The following ZDHHC11B variants were observed in gnomAD, a reference collection of about 807,000 sequenced individuals.
ZDHHC11B encodes the protein zDHHC palmitoyltransferase 11B (putative).
Under a neutral mutation model 42.3 loss-of-function variants are expected in ZDHHC11B, and 17 were observed. The observed-to-expected ratio is 0.40, with a 90% CI of 0.27 to 0.60. ZDHHC11B has a LOEUF of 0.60. Among genes scored for constraint, ZDHHC11B ranks in the 20% least tolerant of loss-of-function variants. The probability of loss-of-function intolerance (pLI) is 0.41; values close to 1 mark genes in which losing one functional copy is unlikely to be tolerated. For synonymous variants in ZDHHC11B, 123 were observed against 193.5 expected (o/e 0.64, Z 3.02); for missense variants, 262 against 463.2 (o/e 0.57, Z 3.99).
intron 1 of ZDHHC11B, among the ~76,000 whole-genome samples, chr5:775,660 G>A (rs1370259946): frequency 6.6e-6 from 1 of 151,802 alleles, no homozygotes; most frequent in Non-Finnish European, 1.5e-5. Flanking sequence ...TGATTTGGAG[G>A]CCTGGGGCCT....
rs535964633 is a variant in ZDHHC11B, at chr5:758,825, C to T, written c.223-2681G>A. 4.6e-5 allele frequency among the ~76,000 whole-genome samples: 7 copies of T among 151,924 alleles called. 1 individual carries two copies. The highest frequency in any genetic ancestry group is 3.2e-3 in the Middle Eastern group (1 of 316). ...TGGCCGCACTTTGGCCAGCGAGGTC[C>T]GCGCTCTGCGGGTGGGCTTGGGTCG... is the stretch of plus-strand genomic sequence containing the variant. On this transcript the variant is annotated intron_variant, in intron 4 of 13. Coordinates refer to ENST00000508859, the MANE Select transcript of ZDHHC11B (RefSeq NM_001351303.2).
intron 11 of ZDHHC11B, among the ~76,000 whole-genome samples, chr5:732,965 G>C (rs1036054411): frequency 6.6e-6 from 1 of 151,724 alleles, no homozygotes; most frequent in African/African-American, 2.4e-5. Context: ...GCTGAGGTGG[G>C]ACAATTGCTT....
chr5:736,567 G>A (rs562021423), intron 10 of ZDHHC11B, among the ~76,000 whole-genome samples: 22 of 147,580 alleles, frequency 1.5e-4, no homozygotes, highest in African/African-American at 5.0e-4. Context: ...TCATATAATA[G>A]GCCACAAAAC....
chr5:746,481 C>T (rs1471244466), intron 8 of ZDHHC11B, among the ~76,000 whole-genome samples: 4 of 131,244 alleles, frequency 3.0e-5, no homozygotes, highest in Admixed American at 8.7e-5. Flanking sequence ...CCACAGCAGC[C>T]GCCTGCCTGT....
At chr5:722,812 C>T (rs1742289807) in intron 12 of ZDHHC11B, among the ~76,000 whole-genome samples, 2 of 151,462 alleles carry the variant, frequency 1.3e-5, no homozygotes, top group South Asian at 2.1e-4. Flanking sequence ...CAGAAGCAAA[C>T]GCCAACAGAC....
chr5:719,627 G>GAA (rs879741889), intron 12 of ZDHHC11B, among the ~76,000 whole-genome samples: 3 of 133,782 alleles, frequency 2.2e-5, no homozygotes, highest in African/African-American at 5.4e-5. Context: ...CTGAGGACCA[G>GAA]AAAAAAAAAA....
intron 4 of ZDHHC11B, among the ~76,000 whole-genome samples, chr5:765,603 T>C (rs1183249150): frequency 6.6e-6 from 1 of 151,908 alleles, no homozygotes; most frequent in East Asian, 1.9e-4. Context: ...AGCAAACTGC[T>C]TGGGTTCTCT....
rs1409966399 is a variant in ZDHHC11B, at chr5:750,920, C to T, written c.628+213G>A. On this transcript the variant is annotated intron_variant, in intron 7 of 13. Transcript: ENST00000508859. ...AGCATCTACAGAGCAGCGTGGCCAG[C>T]GCCCTCCCCGAGCCTGCCTCCCGCG... 2.8e-4 allele frequency among the ~76,000 whole-genome samples: 33 copies of T among 118,372 alleles called. 1 individual carries two copies. The highest frequency in any genetic ancestry group is 8.4e-4 in the African/African-American group (31 of 37,066). 77.7% of individuals were successfully genotyped at this position (118,372 alleles called of 152,430 possible). A position where few individuals can be genotyped will look rare whatever the true frequency, so the allele number is the denominator to read the frequency against.
chr5:719,964 A>G (rs1256899955), intron 12 of ZDHHC11B, among the ~76,000 whole-genome samples: 1 of 151,810 alleles, frequency 6.6e-6, no homozygotes. Context: ...ATATCCATGC[A>G]GTATACACTA....
intron 11 of ZDHHC11B, chr5:732,542 T>C (rs1261095534): frequency 2.6e-6 from 1 of 391,734 alleles, no homozygotes; most frequent in African/African-American, 2.1e-5. Context: ...TTGCTGGAAG[T>C]GCAGGCAAGG....
In ZDHHC11B at chr5:764,420, G is replaced by A. The variant is rs1289983387; in HGVS notation, c.222+2278C>T. On this transcript the variant is annotated intron_variant, in intron 4 of 13. Coordinates refer to ENST00000508859, the MANE Select transcript of ZDHHC11B (RefSeq NM_001351303.2). ...ACAGGCGGGAACCCAGCACTAGTTC[G>A]GGGTGGGCATGGGCTCAGCGGGCCC... 2.0e-4 allele frequency among the ~76,000 whole-genome samples: 30 copies of A among 149,962 alleles called. 1 individual carries two copies. Among genetic ancestry groups the A allele is most frequent in the African/African-American group, 4.8e-4 (20 of 41,340 alleles).
intron 12 of ZDHHC11B, among the ~76,000 whole-genome samples, chr5:722,837 G>A (rs1453809904): frequency 6.6e-6 from 1 of 151,472 alleles, no homozygotes; most frequent in Non-Finnish European, 1.5e-5. Context: ...GCGACAAGCA[G>A]TATGGACAGA....
At chr5:766,141 A>G (rs1387061258) in intron 4 of ZDHHC11B, among the ~76,000 whole-genome samples, 1 of 151,830 alleles carries the variant, frequency 6.6e-6, no homozygotes, top group Non-Finnish European at 1.5e-5. Context: ...GCACCCTGGG[A>G]GATGCGAGCA....
chr5:783,774 CAG>C (rs1175151694), intron 1 of ZDHHC11B, among the ~76,000 whole-genome samples: 26 of 62,018 alleles, frequency 4.2e-4, no homozygotes, highest in African/African-American at 1.3e-3. Context: ...ATCAAAACAG[CAG>C]CCCCCAAACC....
chr5:765,903 C>A (rs1430128588), intron 4 of ZDHHC11B, among the ~76,000 whole-genome samples: 1 of 151,962 alleles, frequency 6.6e-6, no homozygotes, highest in Non-Finnish European at 1.5e-5. Context: ...CAGTTCCGGA[C>A]ACAGTGTCAC....
intron 11 of ZDHHC11B, among the ~76,000 whole-genome samples, chr5:731,148 C>G (rs1159080051): frequency 1.3e-5 from 2 of 151,510 alleles, no homozygotes; most frequent in Non-Finnish European, 2.9e-5. Flanking sequence ...CTTTGCCAAA[C>G]TGCTCGCCAA....
At chr5:756,211 C>G in intron 4 of ZDHHC11B, 67 bp from the exon 5 acceptor site, 2 of 1,511,714 alleles carry the variant, frequency 1.3e-6, no homozygotes, top group Non-Finnish European at 8.9e-7. Flanking sequence ...CCCGTGAGGC[C>G]CAAGGTCCCA....
chr5:750,760 C>T (rs1380368088), intron 7 of ZDHHC11B, among the ~76,000 whole-genome samples: 2 of 129,012 alleles, frequency 1.6e-5, no homozygotes, highest in Admixed American at 8.9e-5. Context: ...CCATGGGCTG[C>T]TCCTGCAGGA....
intron 1 of ZDHHC11B, among the ~76,000 whole-genome samples, chr5:779,045 C>A (rs1292701147): frequency 6.6e-6 from 1 of 151,188 alleles, no homozygotes; most frequent in African/African-American, 2.5e-5. Context: ...ATCTTGGACT[C>A]TCCAGCCTCC....
Sources: allele counts gnomAD v4.1 joint callset (sites outside exome capture counted in the v4.1 genomes callset), GRCh38; gene constraint gnomAD v4.1.1; transcripts MANE v1.5; gene names NCBI Gene and HGNC (gene_info 2026-07-23, HGNC 2026-07-21).